GRIA4: variants seen among roughly 807,000 people sequenced by gnomAD.
GRIA4 encodes glutamate receptor 4.
GRIA4 carries 34 observed loss-of-function variants against 104.0 expected under a neutral mutation model. The ratio of observed to expected loss-of-function variants is 0.33; its 90% CI spans 0.25 to 0.44. GRIA4 has a LOEUF of 0.44. GRIA4 is among the 20% of genes least tolerant of loss of function. The pLI is 1.00. For synonymous variants in GRIA4, 386 were observed against 381.9 expected (o/e 1.01, Z -0.13); for missense variants, 750 against 1,096.5 (o/e 0.68, Z 4.46).
At chr11:105,768,768 G>A (rs1941072404) in intron 4 of GRIA4, among the ~76,000 whole-genome samples, 1 of 152,020 alleles carries the variant, frequency 6.6e-6, no homozygotes, top group African/African-American at 2.4e-5. Context: ...TGTGTACCAT[G>A]CTGGGAAAAA....
intron 4 of GRIA4, among the ~76,000 whole-genome samples, chr11:105,784,825 A>T (rs2099214039): frequency 1.3e-5 from 2 of 152,210 alleles, no homozygotes; most frequent in Non-Finnish European, 2.9e-5. Context: ...CCTTTTGCAA[A>T]GAAAAAAATA....
chr11:105,799,018 GAAC>G (rs1222837732), intron 4 of GRIA4, among the ~76,000 whole-genome samples: 1 of 152,098 alleles, frequency 6.6e-6, no homozygotes, highest in Admixed American at 6.6e-5. Flanking sequence ...GATAATGAGA[GAAC>G]AACAAGAGAA....
At chr11:105,700,608 C>T (rs1330985367) in intron 3 of GRIA4, among the ~76,000 whole-genome samples, 1 of 152,120 alleles carries the variant, frequency 6.6e-6, no homozygotes, top group Non-Finnish European at 1.5e-5. Context: ...CTGATGATAG[C>T]TTCCATTTAC....
chr11:105,941,972 C>T (rs554918972), intron 14 of GRIA4, among the ~76,000 whole-genome samples: 1 of 152,246 alleles, frequency 6.6e-6, no homozygotes, highest in Admixed American at 6.5e-5. Context: ...AAATTCTCAT[C>T]TTTTCAGGCA....
chr11:105,903,990 C>T lies in GRIA4; in HGVS notation c.1053+9C>T. The T allele has an allele frequency of 6.4e-7, 1 of 1,563,728 alleles. No homozygotes were observed. The highest frequency in any genetic ancestry group is 8.7e-7 in the Non-Finnish European group (1 of 1,148,758). On this transcript the variant is annotated intron_variant, in intron 8 of 16. Transcript: ENST00000282499. ...AGAGGACACTCAAACAGGTAACTCA[C>T]AATTTTATTTAAGTTCAATTCATTT...
At chr11:105,738,412 G>A (rs967324305) in intron 3 of GRIA4, among the ~76,000 whole-genome samples, 1 of 152,032 alleles carries the variant, frequency 6.6e-6, no homozygotes, top group Non-Finnish European at 1.5e-5. Context: ...AATAAAGAAT[G>A]GTAATTAAAG....
intron 9 of GRIA4, among the ~76,000 whole-genome samples, chr11:105,906,501 T>C (rs1464587372): frequency 3.3e-5 from 5 of 152,106 alleles, no homozygotes; most frequent in African/African-American, 1.2e-4. Flanking sequence ...GTTAAGGTGA[T>C]ATATGGAAAA....
intron 16 of GRIA4, among the ~76,000 whole-genome samples, chr11:105,976,882 G>A (rs1859008771): frequency 6.6e-6 from 1 of 151,990 alleles, no homozygotes; most frequent in Admixed American, 6.6e-5. Flanking sequence ...TACAGATGAT[G>A]TAAGTATAGG....
intron 3 of GRIA4, among the ~76,000 whole-genome samples, chr11:105,728,883 T>C (rs1938398402): frequency 6.6e-6 from 1 of 152,064 alleles, no homozygotes; most frequent in Admixed American, 6.6e-5. Context: ...AGCACTAAAA[T>C]GGCCACAGGA....
intron 3 of GRIA4, among the ~76,000 whole-genome samples, chr11:105,684,567 CTTTA>C (rs1246114000): frequency 7.4e-6 from 1 of 135,288 alleles, no homozygotes; most frequent in African/African-American, 2.7e-5. Flanking sequence ...ATATACACAC[CTTTA>C]TTTATTGACT....
chr11:105,862,173 T>A lies in GRIA4; in HGVS notation c.637T>A (p.Cys213Ser). Residue 213 changes from cysteine (C) to serine (S), a missense_variant, in exon 5 of 17, where the codon TGT becomes AGT. Physicochemically the swap from Cys to Ser is moderately radical, Grantham distance 112 (BLOSUM62 -1). Coordinates refer to ENST00000282499, the MANE Select transcript of GRIA4 (RefSeq NM_000829.4). ...RRQEKKFVIDCEIERLQNILE... is the reference protein window; with the variant it reads ...RRQEKKFVIDSEIERLQNILE... ...ACAAGAGAAGAAGTTTGTAATAGACTGTGAGATAGAGAGACTTCAAAACAT... is the reference window on the plus strand; with the variant it reads ...ACAAGAGAAGAAGTTTGTAATAGACAGTGAGATAGAGAGACTTCAAAACAT... The A allele has an allele frequency of 6.2e-7, 1 of 1,604,358 alleles. No homozygotes were observed. The highest frequency in any genetic ancestry group is 8.5e-7 in the Non-Finnish European group (1 of 1,171,182).
rs572432257 is a variant in GRIA4, at chr11:105,719,495, A to G, written c.248-33486A>G. 4.6e-5 allele frequency among the ~76,000 whole-genome samples: 7 copies of G among 152,142 alleles called. 1 individual carries two copies. The highest frequency in any genetic ancestry group is 4.6e-4 in the Admixed American group (7 of 15,262). The stretch of plus-strand genomic sequence containing the variant: ...AGCTGACAAAATGCGTGTATAATTA[A>G]GAGCCACTTAGAGCAGCGGCTGAGC... On this transcript the variant is annotated intron_variant, in intron 3 of 16. Transcript: ENST00000282499.
At chr11:105,716,352 T>C (rs1415062314) in intron 3 of GRIA4, among the ~76,000 whole-genome samples, 2 of 152,198 alleles carry the variant, frequency 1.3e-5, no homozygotes, top group Non-Finnish European at 2.9e-5. Context: ...GCTTATTTGA[T>C]AATGTATATA....
intron 3 of GRIA4, among the ~76,000 whole-genome samples, chr11:105,687,550 G>C (rs1255796883): frequency 1.3e-5 from 2 of 152,190 alleles, no homozygotes; most frequent in African/African-American, 4.8e-5. Context: ...GACATATCAG[G>C]ACTTGGCAAC....
intron 4 of GRIA4, among the ~76,000 whole-genome samples, chr11:105,829,094 T>TACACACACACACACATACAC (rs146841671): frequency 1.3e-5 from 2 of 151,026 alleles, no homozygotes; most frequent in Non-Finnish European, 3.0e-5. Context: ...CAGTGATGTA[T>TACACACACACACACATACAC]ACACACACAC....
At position 105,786,580 on chromosome 11, in the gene GRIA4, A is replaced by G. The variant is rs144568487; in HGVS notation, c.487+33360A>G. Among the ~76,000 whole-genome samples the G allele has an allele frequency of 3.0e-4, 46 of 152,314 alleles. No individual in the cohort carries two copies. The East Asian group carries it at 6.4e-3, about 21-fold the overall frequency. ...TATGCTAGGTTCCGGGAATTAAAAG[A>G]TAAATATTACATAGTACATAACCTA... On this transcript the variant is annotated intron_variant, in intron 4 of 16. Transcript: ENST00000282499.
chr11:105,766,468 T>C (rs1940946479), intron 4 of GRIA4, among the ~76,000 whole-genome samples: 1 of 152,200 alleles, frequency 6.6e-6, no homozygotes, highest in Non-Finnish European at 1.5e-5. Flanking sequence ...TTTTGTGTTA[T>C]TGATATGAGC....
chr11:105,653,330 A>G (rs919504324), intron 3 of GRIA4, among the ~76,000 whole-genome samples: 5 of 152,170 alleles, frequency 3.3e-5, no homozygotes, highest in Non-Finnish European at 7.4e-5. Flanking sequence ...ACTAAGTAAC[A>G]TTAGGATGAC....
At chr11:105,676,278 G>A (rs1049846724) in intron 3 of GRIA4, among the ~76,000 whole-genome samples, 6 of 151,686 alleles carry the variant, frequency 4.0e-5, no homozygotes, top group Non-Finnish European at 8.9e-5. Context: ...GGAACCAGCA[G>A]CAGTTGGTAT....
Sources: allele counts gnomAD v4.1 joint callset (sites outside exome capture counted in the v4.1 genomes callset), GRCh38; gene constraint gnomAD v4.1.1; transcripts MANE v1.5; gene names NCBI Gene and HGNC (gene_info 2026-07-23, HGNC 2026-07-21).